DUXA: variants seen among roughly 807,000 people sequenced by gnomAD.
DUXA encodes double homeobox A, also known as double homeobox protein A.
Under a neutral mutation model 27.5 loss-of-function variants are expected in DUXA, and 25 were observed. The observed-to-expected ratio is 0.91, with a 90% CI of 0.66 to 1.27. DUXA has a LOEUF of 1.27. DUXA is among the 50% of genes most tolerant of loss of function. The pLI is 0.00. For missense variants in DUXA, 247 were observed against 242.9 expected, an observed-to-expected ratio of 1.02 and a Z score of -0.11; for synonymous variants, 90 against 80.5, an observed-to-expected ratio of 1.12 and a Z score of -0.63.
At chr19:57,160,933 A>G (rs2087017844) in intron 1 of DUXA, 136 bp from the exon 2 acceptor site, 4 of 973,250 alleles carry the variant, frequency 4.1e-6, no homozygotes, top group Non-Finnish European at 6.0e-6. Flanking sequence ...TCATACAAGT[A>G]TGGAGCTCTT....
rs1376406318 is a variant in DUXA, at chr19:57,158,477, G to C, written c.293-4C>G. 4 of 1,611,088 alleles carry C rather than the reference G, an allele frequency of 2.5e-6. No individual in the cohort carries two copies. The highest frequency in any genetic ancestry group is 2.5e-6 in the Non-Finnish European group (3 of 1,177,612). On this transcript the variant is annotated splice_polypyrimidine_tract_variant and splice_region_variant and intron_variant, in intron 3 of 5. Coordinates refer to ENST00000554048, the MANE Select transcript of DUXA (RefSeq NM_001012729.2). The stretch of plus-strand genomic sequence containing the variant: ...CGACACCGTCTGGCTTCTCTACCTA[G>C]GGAAGGCATGGAAAGATGGAGGGGG...
chr19:57,161,580 G>A (rs1011918705), intron 1 of DUXA, among the ~76,000 whole-genome samples: 15 of 150,692 alleles, frequency 1.0e-4, no homozygotes, highest in South Asian at 4.2e-4. Context: ...CCGAGATTGC[G>A]CCACTGCACT....
intron 2 of DUXA, among the ~76,000 whole-genome samples, chr19:57,160,143 A>T (rs1179085672): frequency 6.6e-6 from 1 of 152,104 alleles, no homozygotes; most frequent in Non-Finnish European, 1.5e-5. Flanking sequence ...ACATGCCTAT[A>T]GTCCCAGCTA....
intron 1 of DUXA, among the ~76,000 whole-genome samples, chr19:57,162,303 A>T (rs1359151496): frequency 6.6e-6 from 1 of 152,226 alleles, no homozygotes; most frequent in African/African-American, 2.4e-5. Context: ...AGCTGGAAAA[A>T]GAATTTCATA....
intron 4 of DUXA, among the ~76,000 whole-genome samples, chr19:57,156,632 TG>T (rs2086994335): frequency 6.6e-6 from 1 of 152,286 alleles, no homozygotes; most frequent in East Asian, 1.9e-4. Context: ...CTAAAACTGC[TG>T]GGATTCCAGA....
intron 3 of DUXA, among the ~76,000 whole-genome samples, chr19:57,158,753 A>AG (rs1238216548): frequency 1.3e-5 from 2 of 152,260 alleles, no homozygotes; most frequent in East Asian, 3.9e-4. Flanking sequence ...AGAGACTGAG[A>AG]GGGGGCAGAT....
At chr19:57,162,613 T>C (rs2087030056) in intron 1 of DUXA, among the ~76,000 whole-genome samples, 1 of 152,298 alleles carries the variant, frequency 6.6e-6, no homozygotes, top group South Asian at 2.1e-4. Context: ...TCACTCTTGT[T>C]GCCCAGGCTG....
At position 57,156,160 on chromosome 19, in the gene DUXA, AT is replaced by A. The variant is rs889860071; in HGVS notation, c.439-789del. Among the ~76,000 whole-genome samples, 87 of 151,538 alleles carry A rather than the reference AT, an allele frequency of 5.7e-4. 1 individual carries two copies. Among genetic ancestry groups the A allele is most frequent in the African/African-American group, 1.9e-3 (78 of 41,308 alleles). ...ATTGCAGCTCTTCCTTCTGCCTGAA[AT>A]TTTTTTTTCTATCTCTTTTTCTTCC... is the stretch of plus-strand genomic sequence containing the variant. On this transcript the variant is annotated intron_variant, in intron 4 of 5. Transcript: ENST00000554048.
At position 57,155,271 on chromosome 19, in the gene DUXA, C is replaced by T; in HGVS notation, c.540G>A (p.Leu180=). ...TGGAAACAACAGGCTAGTTACCTTG[C>T]AGTCCCTCAGGAATCTTGCCCTGCT... The part of the protein sequence containing the change: ...QEEQGKIPEG[L]QGAEDTQNGT... The change falls in exon 5 of 6, where the codon CTG becomes CTA. Residue 180 remains leucine (L), a synonymous_variant. Transcript: ENST00000554048. 1.9e-6 allele frequency: 3 copies of T among 1,613,948 alleles called. No homozygotes were observed. The highest frequency in any genetic ancestry group is 2.5e-6 in the Non-Finnish European group (3 of 1,179,860).
At chr19:57,157,836 C>CA (rs2086999843) in intron 4 of DUXA, among the ~76,000 whole-genome samples, 1 of 151,828 alleles carries the variant, frequency 6.6e-6, no homozygotes, top group African/African-American at 2.4e-5. Context: ...ACTAAAAATA[C>CA]AAAAAATATT....
Position 57,165,324 on chromosome 19 carries a change from A to ATATATATATATAT in DUXA, c.25+2094_25+2095insATATATATATATA, listed in dbSNP as rs1555759590. Among the ~76,000 whole-genome samples the ATATATATATATAT allele has an allele frequency of 1.2e-3, 106 of 89,222 alleles. 1 individual carries two copies. Among genetic ancestry groups the ATATATATATATAT allele is most frequent in the South Asian group, 2.3e-3 (6 of 2,628 alleles). 58.5% of individuals were successfully genotyped at this position (89,222 alleles called of 152,430 possible). ...TCTGGAGTAGGAAAAAAAAAAAAAA[A>ATATATATATATAT]ATATATATATATATATATATGTATA... On this transcript the variant is annotated intron_variant, in intron 1 of 5. Coordinates refer to ENST00000554048, the MANE Select transcript of DUXA (RefSeq NM_001012729.2).
intron 1 of DUXA, among the ~76,000 whole-genome samples, chr19:57,164,627 G>C (rs1355790915): frequency 1.4e-5 from 2 of 148,072 alleles, no homozygotes; most frequent in Non-Finnish European, 3.0e-5. Context: ...ATGACTGTAG[G>C]ATTTTGGTGG....
intron 1 of DUXA, among the ~76,000 whole-genome samples, chr19:57,165,678 G>A (rs1031327511): frequency 4.0e-5 from 6 of 151,506 alleles, no homozygotes; most frequent in African/African-American, 9.7e-5. Flanking sequence ...GGTGGCGGGC[G>A]TCTGTAGTCC....
At chr19:57,155,897 G>A (rs1356496995) in intron 4 of DUXA, among the ~76,000 whole-genome samples, 4 of 152,002 alleles carry the variant, frequency 2.6e-5, no homozygotes, top group African/African-American at 7.3e-5. Flanking sequence ...TTGAACTCCC[G>A]ACCTCAGGTG....
chr19:57,158,706 G>A (rs907634115), intron 3 of DUXA, among the ~76,000 whole-genome samples: 8 of 152,150 alleles, frequency 5.3e-5, no homozygotes, highest in South Asian at 4.1e-4. Flanking sequence ...GCAAGAGGCC[G>A]GGCGCGGTGG....
chr19:57,154,500 T>C lies in DUXA; in HGVS notation c.545-18A>G, dbSNP rs1460517747. The stretch of plus-strand genomic sequence containing the variant: ...TTCTGCACCTAAGGAGGAAAAAAGA[T>C]AGAGGAAAGAATGTAAGAGATCAGC... On this transcript the variant is annotated intron_variant, in intron 5 of 5. Coordinates refer to ENST00000554048, the MANE Select transcript of DUXA (RefSeq NM_001012729.2). 2 of 1,598,216 alleles carry C rather than the reference T, an allele frequency of 1.3e-6. No homozygotes were observed. Among genetic ancestry groups the C allele is most frequent in the South Asian group, 1.1e-5 (1 of 90,788 alleles).
At chr19:57,162,480 T>C (rs1423635171) in intron 1 of DUXA, among the ~76,000 whole-genome samples, 1 of 152,248 alleles carries the variant, frequency 6.6e-6, no homozygotes, top group African/African-American at 2.4e-5. Flanking sequence ...CTAGAGATGC[T>C]AGAAGTTCAG....
chr19:57,154,388 C>G lies in DUXA; in HGVS notation c.*24G>C. 1 of 1,607,942 alleles carries G rather than the reference C, an allele frequency of 6.2e-7. No homozygotes were observed. The highest frequency in any genetic ancestry group is 8.5e-7 in the Non-Finnish European group (1 of 1,174,840). ...AGATTTGGGGTCCAGTTGATATTAT[C>G]AAGTACACTGAATTTGACTGTGTTC... On this transcript the variant is annotated 3_prime_UTR_variant, in exon 6 of 6. Coordinates refer to ENST00000554048, the MANE Select transcript of DUXA (RefSeq NM_001012729.2).
chr19:57,157,602 A>G (rs975271553), intron 4 of DUXA, among the ~76,000 whole-genome samples: 1 of 152,068 alleles, frequency 6.6e-6, no homozygotes, highest in Non-Finnish European at 1.5e-5. Flanking sequence ...AAGTGCTGGC[A>G]TTACAGACGT....
Sources: allele counts gnomAD v4.1 joint callset (sites outside exome capture counted in the v4.1 genomes callset), GRCh38; gene constraint gnomAD v4.1.1; transcripts MANE v1.5; gene names NCBI Gene and HGNC (gene_info 2026-07-23, HGNC 2026-07-21).